Variants in KCTD8 observed in about 807,000 individuals in gnomAD.
The protein encoded by KCTD8 is BTB/POZ domain-containing protein KCTD8.
Under a neutral mutation model 31.5 loss-of-function variants are expected in KCTD8, and 27 were observed. The observed-to-expected ratio is 0.86, with a 90% CI of 0.63 to 1.18. The LOEUF (loss-of-function observed/expected upper bound fraction) is 1.18. Ranked by LOEUF, KCTD8 falls within the 50% of genes most tolerant of loss-of-function variation. The pLI, the probability that KCTD8 is intolerant of heterozygous loss-of-function variation, is 0.00. For missense variants in KCTD8, 658 were observed against 647.7 expected (o/e 1.02, Z -0.17); for synonymous variants, 290 against 280.0 (o/e 1.04, Z -0.36).
intron 1 of KCTD8, among the ~76,000 whole-genome samples, chr4:44,190,107 T>A (rs1713719899): frequency 6.6e-6 from 1 of 152,210 alleles, no homozygotes; most frequent in Non-Finnish European, 1.5e-5. Flanking sequence ...CTAATCTTTA[T>A]ATCCTTTTAT....
chr4:44,198,577 G>T (rs974578991), intron 1 of KCTD8, among the ~76,000 whole-genome samples: 1 of 152,020 alleles, frequency 6.6e-6, no homozygotes, highest in African/African-American at 2.4e-5. Context: ...AAGAGAAGGA[G>T]AAATAAAATC....
chr4:44,332,762 C>G (rs1456479643), intron 1 of KCTD8, among the ~76,000 whole-genome samples: 1 of 151,992 alleles, frequency 6.6e-6, no homozygotes, highest in African/African-American at 2.4e-5. Context: ...CAAATTCCAT[C>G]ATAAATGTTT....
intron 1 of KCTD8, among the ~76,000 whole-genome samples, chr4:44,315,804 AC>A (rs762470413): frequency 9.9e-5 from 15 of 152,276 alleles, no homozygotes; most frequent in Non-Finnish European, 1.8e-4. Flanking sequence ...CATGTTGCTG[AC>A]GAGAAGTCTG....
At chr4:44,419,575 A>G (rs567387653) in intron 1 of KCTD8, among the ~76,000 whole-genome samples, 19 of 152,230 alleles carry the variant, frequency 1.2e-4, no homozygotes, top group African/African-American at 4.6e-4. Flanking sequence ...GCTGGAAACC[A>G]TCATTCTCAG....
chr4:44,372,702 C>T (rs1430486952), intron 1 of KCTD8, among the ~76,000 whole-genome samples: 1 of 152,064 alleles, frequency 6.6e-6, no homozygotes, highest in Non-Finnish European at 1.5e-5. Context: ...AAAGAAAGGT[C>T]TTAAAGCTGA....
intron 1 of KCTD8, among the ~76,000 whole-genome samples, chr4:44,319,965 A>C (rs796808191): frequency 5.3e-5 from 8 of 152,060 alleles, no homozygotes; most frequent in African/African-American, 1.4e-4. Context: ...TGAGGTCATG[A>C]GTTCAATACC....
intron 1 of KCTD8, among the ~76,000 whole-genome samples, chr4:44,253,165 C>T (rs902587807): frequency 6.6e-6 from 1 of 151,502 alleles, no homozygotes; most frequent in Admixed American, 6.6e-5. Flanking sequence ...AGAGGTTTAC[C>T]GTTCATTAGT....
intron 1 of KCTD8, among the ~76,000 whole-genome samples, chr4:44,192,284 A>T (rs1302651955): frequency 5.9e-5 from 9 of 152,184 alleles, no homozygotes; most frequent in Non-Finnish European, 1.3e-4. Flanking sequence ...CAATATAAAC[A>T]ATTAAAAGAG....
chr4:44,447,910 C>T lies in KCTD8; in HGVS notation c.614G>A (p.Arg205His). The change falls in exon 1 of 2, where the codon CGC becomes CAC. Residue 205 changes from arginine (R) to histidine (H), a missense_variant. Arg to His is a conservative substitution (Grantham distance 29). Transcript: ENST00000360029. Reference protein sequence around the residue: ...GGGGGGAQDKRSGFLTLGYRG... With the variant: ...GGGGGGAQDKHSGFLTLGYRG... ...GTAGCCCAGCGTGAGGAAGCCCGAGCGCTTGTCCTGCGCGCCGCCGCCGCC... is the reference window on the plus strand; with the variant it reads ...GTAGCCCAGCGTGAGGAAGCCCGAGTGCTTGTCCTGCGCGCCGCCGCCGCC... 1 of 1,484,384 alleles carries T rather than the reference C, an allele frequency of 6.7e-7. No individual in the cohort carries two copies. The highest frequency in any genetic ancestry group is 9.0e-7 in the Non-Finnish European group (1 of 1,114,848). The allele number at this position is 1,484,384 out of a possible 1,614,324, so 92.0% of individuals were successfully genotyped here.
intron 1 of KCTD8, among the ~76,000 whole-genome samples, chr4:44,259,525 TC>T (rs1716101734): frequency 6.6e-6 from 1 of 151,900 alleles, no homozygotes; most frequent in Admixed American, 6.6e-5. Context: ...ACCTAAACCA[TC>T]CCAAAAAGTA....
chr4:44,330,862 A>G (rs1255494697), intron 1 of KCTD8, among the ~76,000 whole-genome samples: 4 of 151,880 alleles, frequency 2.6e-5, no homozygotes, highest in African/African-American at 9.7e-5. Context: ...TCAATGCTTC[A>G]ATTAGTTTTC....
At chr4:44,366,761 T>C in intron 1 of KCTD8, among the ~76,000 whole-genome samples, 1 of 152,118 alleles carries the variant, frequency 6.6e-6, no homozygotes, top group East Asian at 1.9e-4. Flanking sequence ...GAAACCTCAT[T>C]AAGCAACACA....
chr4:44,223,834 G>A (rs1046794892), intron 1 of KCTD8, among the ~76,000 whole-genome samples: 1 of 152,084 alleles, frequency 6.6e-6, no homozygotes, highest in African/African-American at 2.4e-5. Context: ...AGTTTTATTG[G>A]AACACGGTCA....
At chr4:44,447,239 C>T (rs958792355) in intron 1 of KCTD8, among the ~76,000 whole-genome samples, 2 of 152,242 alleles carry the variant, frequency 1.3e-5, no homozygotes, top group African/African-American at 4.8e-5. Flanking sequence ...TCTCTCCCAC[C>T]CTGTCCTCCG....
chr4:44,200,788 TACTGA>T (rs1298277065), intron 1 of KCTD8, among the ~76,000 whole-genome samples: 1 of 152,064 alleles, frequency 6.6e-6, no homozygotes, highest in Non-Finnish European at 1.5e-5. Context: ...TTCCACATAG[TACTGA>T]AAGTCCTAAC....
chr4:44,346,508 A>C (rs1190370807), intron 1 of KCTD8, among the ~76,000 whole-genome samples: 1 of 152,176 alleles, frequency 6.6e-6, no homozygotes, highest in Non-Finnish European at 1.5e-5. Context: ...TCGATTATAC[A>C]ACTATACCAC....
intron 1 of KCTD8, among the ~76,000 whole-genome samples, chr4:44,311,964 C>A (rs1341672970): frequency 2.6e-5 from 4 of 151,196 alleles, no homozygotes; most frequent in Non-Finnish European, 5.9e-5. Flanking sequence ...TTGTAGACAC[C>A]CATCAGAAAT....
intron 1 of KCTD8, among the ~76,000 whole-genome samples, chr4:44,411,988 G>A (rs1720971435): frequency 6.6e-6 from 1 of 152,042 alleles, no homozygotes; most frequent in African/African-American, 2.4e-5. Context: ...TTTGTTACAG[G>A]AGCCCTAGGA....
At chr4:44,410,110 T>C (rs1037148425) in intron 1 of KCTD8, among the ~76,000 whole-genome samples, 30 of 152,336 alleles carry the variant, frequency 2.0e-4, no homozygotes, top group African/African-American at 7.0e-4. Context: ...TTATACCTAT[T>C]ACAATAATAT....
Sources: allele counts gnomAD v4.1 joint callset (sites outside exome capture counted in the v4.1 genomes callset), GRCh38; gene constraint gnomAD v4.1.1; transcripts MANE v1.5; gene names NCBI Gene and HGNC (gene_info 2026-07-23, HGNC 2026-07-21).